The following NDST4 variants were observed in gnomAD, a reference collection of about 807,000 sequenced individuals.
NDST4 encodes N-heparan sulfate sulfotransferase 4.
Under a neutral mutation model 100.8 loss-of-function variants are expected in NDST4, and 63 were observed. That is an observed-to-expected ratio of 0.62 (90% CI 0.51 to 0.77). The LOEUF (loss-of-function observed/expected upper bound fraction) is 0.77, where lower values mean the gene tolerates loss of function less well. NDST4 is among the 30% of genes least tolerant of loss of function. The probability of loss-of-function intolerance (pLI) is 0.00; values close to 1 mark genes in which losing one functional copy is unlikely to be tolerated. For synonymous variants in NDST4, 377 were observed against 361.8 expected, an observed-to-expected ratio of 1.04 and a Z score of -0.48; for missense variants, 943 against 1,018.4, an observed-to-expected ratio of 0.93 and a Z score of 1.01.
chr4:114,898,683 C>T (rs1425140644), intron 6 of NDST4, among the ~76,000 whole-genome samples: 1 of 152,166 alleles, frequency 6.6e-6, no homozygotes, highest in Non-Finnish European at 1.5e-5. Context: ...AATAATTCTC[C>T]ATTAATTTAG....
intron 2 of NDST4, among the ~76,000 whole-genome samples, chr4:115,003,652 G>A (rs1425712398): frequency 6.6e-6 from 1 of 152,022 alleles, no homozygotes; most frequent in Non-Finnish European, 1.5e-5. Flanking sequence ...CAAATCATGA[G>A]GTCAGGAGTT....
chr4:114,942,329 A>G (rs1279970483), intron 4 of NDST4, among the ~76,000 whole-genome samples: 4 of 152,154 alleles, frequency 2.6e-5, no homozygotes, highest in Admixed American at 6.5e-5. Flanking sequence ...ACAATTGTGG[A>G]AATCAGATAG....
chr4:114,957,663 G>A (rs1726168696), intron 4 of NDST4, among the ~76,000 whole-genome samples: 1 of 152,130 alleles, frequency 6.6e-6, no homozygotes, highest in Admixed American at 6.5e-5. Flanking sequence ...CTAAGACAAG[G>A]CAAGCCCCTT....
chr4:115,017,075 T>C (rs1277445392), intron 2 of NDST4, among the ~76,000 whole-genome samples: 1 of 152,004 alleles, frequency 6.6e-6, no homozygotes, highest in African/African-American at 2.4e-5. Context: ...TTTGTAGTGC[T>C]GTTAAGATAA....
intron 10 of NDST4, among the ~76,000 whole-genome samples, chr4:114,839,771 T>C (rs1723387760): frequency 6.6e-6 from 1 of 152,192 alleles, no homozygotes; most frequent in Non-Finnish European, 1.5e-5. Flanking sequence ...GAATACCCAT[T>C]GGCACACTGC....
intron 4 of NDST4, among the ~76,000 whole-genome samples, chr4:114,960,560 AAAAG>A (rs1255577496): frequency 2.0e-5 from 3 of 152,258 alleles, no homozygotes; most frequent in African/African-American, 4.8e-5. Flanking sequence ...AAAAAAAAAT[AAAAG>A]AAAGAAAGAA....
intron 7 of NDST4, among the ~76,000 whole-genome samples, chr4:114,866,303 T>A (rs189278372): frequency 1.1e-4 from 17 of 152,354 alleles, no homozygotes; most frequent in Admixed American, 6.5e-5. Context: ...TATTCTTACC[T>A]GTCCTGAGTA....
intron 1 of NDST4, among the ~76,000 whole-genome samples, chr4:115,099,992 ATC>A (rs1729697987): frequency 1.3e-5 from 2 of 152,150 alleles, no homozygotes; most frequent in African/African-American, 4.8e-5. Context: ...AAAATAAATG[ATC>A]TATCAAGCCA....
chr4:114,987,016 C>A (rs916771782), intron 2 of NDST4, among the ~76,000 whole-genome samples: 3 of 151,364 alleles, frequency 2.0e-5, no homozygotes, highest in Non-Finnish European at 2.9e-5. Flanking sequence ...TTCCTAAAGG[C>A]AAAGTATTTA....
Position 115,048,931 on chromosome 4 carries a change from G to T in NDST4, c.978+27128C>A, listed in dbSNP as rs565737190. On this transcript the variant is annotated intron_variant, in intron 2 of 13. Coordinates refer to ENST00000264363, the MANE Select transcript of NDST4 (RefSeq NM_022569.3). Reference sequence around the variant, plus strand: ...TAGGATTACAGGTGTGAGCCACTGCGCCCGGCCCACATTATGAATTTTTGT... The same window carrying T: ...TAGGATTACAGGTGTGAGCCACTGCTCCCGGCCCACATTATGAATTTTTGT... Among the ~76,000 whole-genome samples, 15 of 151,994 alleles carry T rather than the reference G, an allele frequency of 9.9e-5. No homozygotes were observed. In the South Asian group the frequency reaches 3.1e-3, roughly 32 times the overall value.
At chr4:114,929,335 C>A (rs533651664) in intron 6 of NDST4, among the ~76,000 whole-genome samples, 1 of 152,228 alleles carries the variant, frequency 6.6e-6, no homozygotes, top group African/African-American at 2.4e-5. Context: ...TTGCTTGAGG[C>A]TATGCATAGT....
intron 2 of NDST4, among the ~76,000 whole-genome samples, chr4:115,038,475 C>G (rs1018108148): frequency 6.6e-6 from 1 of 152,080 alleles, no homozygotes; most frequent in African/African-American, 2.4e-5. Flanking sequence ...GATAAACAGC[C>G]TAAGTCTGAG....
At chr4:115,112,063 C>T (rs774266537) in intron 1 of NDST4, among the ~76,000 whole-genome samples, 1 of 151,268 alleles carries the variant, frequency 6.6e-6, no homozygotes, top group Non-Finnish European at 1.5e-5. Flanking sequence ...ATATTCTTTA[C>T]ATAAACTTGC....
At chr4:114,974,462 A>C (rs761802555) in intron 3 of NDST4, among the ~76,000 whole-genome samples, 27 of 152,170 alleles carry the variant, frequency 1.8e-4, no homozygotes, top group African/African-American at 5.1e-4. Flanking sequence ...TGATTGGGTC[A>C]CATTTAATTC....
intron 4 of NDST4, among the ~76,000 whole-genome samples, chr4:114,964,045 A>G (rs891941797): frequency 1.3e-5 from 2 of 152,072 alleles, no homozygotes; most frequent in African/African-American, 4.8e-5. Context: ...ATTGCTTCTG[A>G]TATTTATATA....
chr4:114,920,681 G>A (rs1015250687), intron 6 of NDST4, among the ~76,000 whole-genome samples: 2 of 152,130 alleles, frequency 1.3e-5, no homozygotes, highest in African/African-American at 4.8e-5. Flanking sequence ...ACAAGAACAT[G>A]ACCTTTTCTT....
At chr4:115,013,528 G>T (rs6811104) in intron 2 of NDST4, among the ~76,000 whole-genome samples, 5,040 of 151,576 alleles carry the variant, frequency 0.033, 288 homozygotes, top group African/African-American at 0.12. Flanking sequence ...ATGTTTTAGG[G>T]ACTATAGAGA....
chr4:114,916,829 C>G (rs2126217374), intron 6 of NDST4, among the ~76,000 whole-genome samples: 1 of 151,794 alleles, frequency 6.6e-6, no homozygotes, highest in South Asian at 2.1e-4. Flanking sequence ...TTCAGCAAAT[C>G]TTACGTAAAT....
At chr4:114,891,905 T>C (rs1724607507) in intron 6 of NDST4, among the ~76,000 whole-genome samples, 2 of 152,152 alleles carry the variant, frequency 1.3e-5, no homozygotes, top group South Asian at 4.1e-4. Context: ...ACCTTACACA[T>C]GCTCTTGTCT....
Sources: gnomAD v4.1 joint callset for allele counts (sites outside exome capture counted in the v4.1 genomes callset) on GRCh38, gnomAD v4.1.1 for gene constraint, MANE v1.5 for transcripts, NCBI Gene and HGNC (gene_info 2026-07-23, HGNC 2026-07-21) for gene names.